The following SLC5A4 variants were observed in gnomAD, a reference collection of about 807,000 sequenced individuals.
The protein encoded by SLC5A4 is solute carrier family 5 member 4.
Under a neutral mutation model 70.3 loss-of-function variants are expected in SLC5A4, and 55 were observed. That is an observed-to-expected ratio of 0.78 (90% CI 0.63 to 0.98). The LOEUF (loss-of-function observed/expected upper bound fraction) is 0.98. SLC5A4 is among the 50% of genes least tolerant of loss of function. The pLI, the probability that SLC5A4 is intolerant of heterozygous loss-of-function variation, is 0.00. For missense variants in SLC5A4, 735 were observed against 839.2 expected (o/e 0.88, Z 1.53); for synonymous variants, 268 against 305.7 (o/e 0.88, Z 1.29).
chr22:32,273,133 A>G, the SLC5A4 span: 1 of 445,754 alleles, frequency 2.2e-6, no homozygotes, highest in African/African-American at 2.0e-5. Context: ...CGCTGCCACC[A>G]CCACACCGCA....
At chr22:32,335,221 G>A in the SLC5A4 span, among the ~76,000 whole-genome samples, 12 of 152,304 alleles carry the variant, frequency 7.9e-5, no homozygotes, top group East Asian at 2.3e-3. Context: ...CAGCACCAGT[G>A]ACAGCCGCTT....
At chr22:32,354,831 CCCA>C in the SLC5A4 span, 1 of 152,372 alleles carries the variant, frequency 6.6e-6, no homozygotes, top group African/African-American at 2.4e-5. Flanking sequence ...GCGAACTTTT[CCCA>C]CCACCATTTT....
chr22:32,247,714 G>A (rs1926913376), intron 4 of SLC5A4, among the ~76,000 whole-genome samples, 199 bp from the exon 5 acceptor site: 1 of 152,176 alleles, frequency 6.6e-6, no homozygotes, highest in South Asian at 2.1e-4. Context: ...CTTAAACCAT[G>A]CTTCTGAAGA....
chr22:32,320,794 A>G, the SLC5A4 span, among the ~76,000 whole-genome samples: 11 of 152,368 alleles, frequency 7.2e-5, no homozygotes, highest in Admixed American at 7.2e-4. Context: ...GTCACTTTAA[A>G]TCCATCAAAT....
At chr22:32,342,192 G>A in the SLC5A4 span, among the ~76,000 whole-genome samples, 1 of 152,182 alleles carries the variant, frequency 6.6e-6, no homozygotes, top group Non-Finnish European at 1.5e-5. Context: ...ACTAAAACAT[G>A]AAGTTTGCTT....
chr22:32,235,788 T>G (rs994733623), intron 7 of SLC5A4, among the ~76,000 whole-genome samples: 4 of 152,152 alleles, frequency 2.6e-5, no homozygotes, highest in Admixed American at 2.6e-4. Flanking sequence ...GATGAAAAAT[T>G]CATCAGGGTA....
At chr22:32,303,678 T>G in the SLC5A4 span, among the ~76,000 whole-genome samples, 9 of 152,208 alleles carry the variant, frequency 5.9e-5, no homozygotes, top group African/African-American at 2.2e-4. Flanking sequence ...ATTGTCTGGA[T>G]GTACCACGGT....
At chr22:32,317,344 AAAAG>A in the SLC5A4 span, among the ~76,000 whole-genome samples, 2,814 of 152,260 alleles carry the variant, frequency 0.018, 81 homozygotes, top group African/African-American at 0.06. Context: ...ACTCAAAAAG[AAAAG>A]AAAGACAAAC....
the SLC5A4 span, among the ~76,000 whole-genome samples, chr22:32,301,783 A>G: frequency 6.6e-6 from 1 of 152,148 alleles, no homozygotes; most frequent in Non-Finnish European, 1.5e-5. Context: ...TATGCTAATA[A>G]AGAGAATGGT....
chr22:32,350,647 T>C, the SLC5A4 span, among the ~76,000 whole-genome samples: 1 of 152,132 alleles, frequency 6.6e-6, no homozygotes, highest in Non-Finnish European at 1.5e-5. Context: ...AGGCTATGTA[T>C]TGAGAAACAC....
At chr22:32,269,567 C>A in the SLC5A4 span, 1 of 627,818 alleles carries the variant, frequency 1.6e-6, no homozygotes. This position sits in a 1 kb window ranked among gnomAD's most constrained non-coding sequence, Gnocchi z 4.1. Flanking sequence ...AAGGTGCACC[C>A]CGTCATCTGA....
chr22:32,326,108 T>C, the SLC5A4 span, among the ~76,000 whole-genome samples: 3 of 152,206 alleles, frequency 2.0e-5, no homozygotes, highest in Admixed American at 6.5e-5. Flanking sequence ...AGACCCTCTG[T>C]GACAATAACC....
chr22:32,272,255 C>G, the SLC5A4 span: 1 of 793,978 alleles, frequency 1.3e-6, no homozygotes, highest in Non-Finnish European at 2.3e-6. Context: ...CCGAGCCCAG[C>G]CAGCCCTTGA....
At position 32,232,930 on chromosome 22, in the gene SLC5A4, C is replaced by T. The variant is rs769073195; in HGVS notation, c.990G>A (p.Met330Ile). ...LKLLPMFLMV[M>I]PGMISRILYT... ...ACAGGATGCGGCTGATCATCCCCGG[C>T]ATCACCATGAGGAACATGGGCAGCA... The change falls in exon 9 of 15, where the codon ATG (methionine) becomes ATA (isoleucine). Residue 330 changes from methionine (M) to isoleucine (I), a missense_variant. Physicochemically the swap from Met to Ile is conservative, Grantham distance 10 (BLOSUM62 1). Coordinates refer to ENST00000266086, the MANE Select transcript of SLC5A4 (RefSeq NM_014227.3). The T allele has an allele frequency of 1.9e-6, 3 of 1,614,040 alleles. No homozygotes were observed. Among genetic ancestry groups the T allele is most frequent in the African/African-American group, 2.7e-5 (2 of 74,946 alleles).
At chr22:32,312,022 G>C in the SLC5A4 span, among the ~76,000 whole-genome samples, 1 of 152,202 alleles carries the variant, frequency 6.6e-6, no homozygotes, top group African/African-American at 2.4e-5. Flanking sequence ...TTTCTGCAGG[G>C]GGTTAATCAT....
At chr22:32,325,421 G>T in the SLC5A4 span, among the ~76,000 whole-genome samples, 1 of 152,182 alleles carries the variant, frequency 6.6e-6, no homozygotes. Context: ...CCTGGACAAG[G>T]TTTGTTGGGA....
At position 32,230,887 on chromosome 22, in the gene SLC5A4, G is replaced by A. The variant is rs535606924; in HGVS notation, c.1129+81C>T. ...GAGTTGGATTGAATTAATGGAAGGT[G>A]CAAGAATTGCACCATAACCCTTCCT... is the stretch of plus-strand genomic sequence containing the variant. On this transcript the variant is annotated intron_variant, in intron 10 of 14. Transcript: ENST00000266086. 76 of 809,532 alleles carry A rather than the reference G, an allele frequency of 9.4e-5. No individual in the cohort carries two copies. The South Asian group carries it at 1.0e-3, about 11-fold the overall frequency. The allele number at this position is 809,532 out of a possible 1,614,324, so 50.1% of individuals were successfully genotyped here.
intron 8 of SLC5A4, 44 bp from the exon 9 acceptor site, chr22:32,233,078 G>T: frequency 6.3e-7 from 1 of 1,587,752 alleles, no homozygotes; most frequent in Middle Eastern, 1.7e-4. Context: ...GCCAGGGGAT[G>T]ATTTCAAAGG....
At chr22:32,248,407 A>G (rs1322545749) in intron 4 of SLC5A4, among the ~76,000 whole-genome samples, 3 of 152,022 alleles carry the variant, frequency 2.0e-5, no homozygotes, top group Admixed American at 2.0e-4. Flanking sequence ...GCTGAAACTC[A>G]CTAGATCAAC....
Sources: allele counts gnomAD v4.1 joint callset (sites outside exome capture counted in the v4.1 genomes callset), GRCh38; gene constraint gnomAD v4.1.1; non-coding constraint Gnocchi (gnomAD v3.1); transcripts MANE v1.5; gene names NCBI Gene and HGNC (gene_info 2026-07-23, HGNC 2026-07-21).